Variants in STOX2 observed in about 807,000 individuals in gnomAD.
The protein encoded by STOX2 is storkhead box 2.
Under a neutral mutation model 60.9 loss-of-function variants are expected in STOX2, and 28 were observed. The ratio of observed to expected loss-of-function variants is 0.46; its 90% confidence interval spans 0.34 to 0.63. The LOEUF (loss-of-function observed/expected upper bound fraction) is 0.63. STOX2 is among the 30% of genes least tolerant of loss of function. STOX2 has a pLI of 0.01. For synonymous variants in STOX2, 472 were observed against 463.9 expected (o/e 1.02, Z -0.22); for missense variants, 1,024 against 1,187.7 (o/e 0.86, Z 2.03).
chr4:183,898,999 G>C (rs901865513), intron 1 of STOX2, among the ~76,000 whole-genome samples: 1 of 152,112 alleles, frequency 6.6e-6, no homozygotes, highest in African/African-American at 2.4e-5. Context: ...ATGTCCTCAC[G>C]TTACGTCTCT....
intron 1 of STOX2, among the ~76,000 whole-genome samples, chr4:183,849,543 T>C (rs1304611498): frequency 6.6e-6 from 1 of 152,240 alleles, no homozygotes; most frequent in East Asian, 1.9e-4. Flanking sequence ...GCTGGCTGGC[T>C]TTATCTAAAA....
chr4:183,917,352 A>G (rs1383324357), intron 1 of STOX2, among the ~76,000 whole-genome samples: 5 of 152,244 alleles, frequency 3.3e-5, no homozygotes, highest in Non-Finnish European at 7.3e-5. Flanking sequence ...ACCGGGTTGT[A>G]GAGATGTGAA....
intron 1 of STOX2, among the ~76,000 whole-genome samples, chr4:183,813,513 A>G (rs980574087): frequency 2.6e-5 from 4 of 152,220 alleles, no homozygotes; most frequent in African/African-American, 9.6e-5. Flanking sequence ...ATACTCTGCC[A>G]TTTGATGTCA....
chr4:183,906,237 C>G lies in STOX2; in HGVS notation c.-554C>G, dbSNP rs1392505227. On this transcript the variant is annotated 5_prime_UTR_variant, in exon 1 of 4. Coordinates refer to ENST00000308497, the MANE Select transcript of STOX2 (RefSeq NM_020225.3). The stretch of plus-strand genomic sequence containing the variant: ...GGCCCGCGGGGACACGACTCGGACA[C>G]TGTCATCCCCACGCCTCGCGCTGAG... 3 of 152,284 alleles carry G rather than the reference C, an allele frequency of 2.0e-5. No individual in the cohort carries two copies. The highest frequency in any genetic ancestry group is 4.4e-5 in the Non-Finnish European group (3 of 68,110). The allele number at this position is 152,284 out of a possible 1,614,324, so 9.4% of individuals were successfully genotyped here.
At chr4:183,966,519 C>A (rs1743573752) in intron 1 of STOX2, among the ~76,000 whole-genome samples, 1 of 152,208 alleles carries the variant, frequency 6.6e-6, no homozygotes, top group Non-Finnish European at 1.5e-5. Context: ...ATCACAGTCA[C>A]CCTCCCGGCG....
chr4:183,854,129 T>C (rs1162502779), intron 1 of STOX2, among the ~76,000 whole-genome samples: 1 of 152,262 alleles, frequency 6.6e-6, no homozygotes, highest in Non-Finnish European at 1.5e-5. Flanking sequence ...ATTGTTCTTA[T>C]GTGATGGGTT....
chr4:183,989,182 T>G (rs1434162544), intron 1 of STOX2, among the ~76,000 whole-genome samples: 1,976 of 56,646 alleles, frequency 0.035, 42 homozygotes, highest in African/African-American at 0.11. Flanking sequence ...TTTTTTTTTT[T>G]TTTTTTTTTT....
At chr4:183,820,097 TC>T (rs1471542959) in intron 1 of STOX2, among the ~76,000 whole-genome samples, 1 of 152,152 alleles carries the variant, frequency 6.6e-6, no homozygotes, top group East Asian at 1.9e-4. Flanking sequence ...CCTGACTTTT[TC>T]TTTTTTTTAA....
At chr4:183,814,621 G>A (rs1335054854) in intron 1 of STOX2, among the ~76,000 whole-genome samples, 2 of 152,164 alleles carry the variant, frequency 1.3e-5, no homozygotes, top group Admixed American at 6.5e-5. Context: ...AGATAAATGA[G>A]TGAGCAAACA....
At chr4:183,951,444 C>CTTTT (rs1163579369) in intron 1 of STOX2, among the ~76,000 whole-genome samples, 16 of 66,492 alleles carry the variant, frequency 2.4e-4, no homozygotes, top group East Asian at 1.9e-3. Flanking sequence ...CTCTCTCTCT[C>CTTTT]TTTTTTTTTT....
intron 1 of STOX2, among the ~76,000 whole-genome samples, chr4:183,886,320 T>G (rs951888689): frequency 6.7e-6 from 1 of 149,760 alleles, no homozygotes; most frequent in African/African-American, 2.4e-5. Context: ...AGATGCAAGA[T>G]CAGGGTCACT....
intron 1 of STOX2, among the ~76,000 whole-genome samples, chr4:183,800,825 G>A (rs1170870540): frequency 1.3e-5 from 2 of 152,210 alleles, no homozygotes; most frequent in African/African-American, 2.4e-5. Flanking sequence ...AGTGAAGAAA[G>A]GAGAGGAACG....
chr4:183,831,446 T>C (rs1489039425), intron 1 of STOX2, among the ~76,000 whole-genome samples: 2 of 151,696 alleles, frequency 1.3e-5, no homozygotes, highest in Non-Finnish European at 2.9e-5. Context: ...GTGGGGACCA[T>C]GAACATTAGT....
chr4:183,801,742 T>C (rs898781752), intron 1 of STOX2, among the ~76,000 whole-genome samples: 1 of 152,056 alleles, frequency 6.6e-6, no homozygotes, highest in African/African-American at 2.4e-5. Flanking sequence ...GGAAACTGGC[T>C]GGGGTGATAA....
chr4:183,980,847 AT>A (rs1732635745), intron 1 of STOX2, among the ~76,000 whole-genome samples: 1 of 151,788 alleles, frequency 6.6e-6, no homozygotes, highest in Admixed American at 6.6e-5. Flanking sequence ...CCACCTTCAT[AT>A]TTTTTTCCCA....
chr4:183,811,073 A>G (rs1739023706), intron 1 of STOX2, among the ~76,000 whole-genome samples: 1 of 152,060 alleles, frequency 6.6e-6, no homozygotes, highest in Non-Finnish European at 1.5e-5. Flanking sequence ...TGCTAAAGTG[A>G]TTTTACAAGG....
chr4:183,879,851 C>T (rs1011024702), intron 1 of STOX2, among the ~76,000 whole-genome samples: 1 of 151,814 alleles, frequency 6.6e-6, no homozygotes, highest in Non-Finnish European at 1.5e-5. Context: ...GGGGGGATGG[C>T]GCATGGCAAT....
intron 1 of STOX2, among the ~76,000 whole-genome samples, chr4:183,924,100 A>AAG (rs1429538403): frequency 1.3e-5 from 2 of 152,184 alleles, no homozygotes; most frequent in African/African-American, 4.8e-5. Flanking sequence ...TTTGGTAGCC[A>AAG]CTGATTTGGA....
At chr4:183,975,456 A>G (rs1732411850) in intron 1 of STOX2, among the ~76,000 whole-genome samples, 1 of 152,176 alleles carries the variant, frequency 6.6e-6, no homozygotes, top group Non-Finnish European at 1.5e-5. Flanking sequence ...ACAAGGAAAT[A>G]TGACATAAAT....
Sources: gnomAD v4.1 joint callset for allele counts (sites outside exome capture counted in the v4.1 genomes callset) on GRCh38, gnomAD v4.1.1 for gene constraint, MANE v1.5 for transcripts, NCBI Gene and HGNC (gene_info 2026-07-23, HGNC 2026-07-21) for gene names.